The following ELAVL1 variants were observed in gnomAD, a reference collection of about 807,000 sequenced individuals.
The protein encoded by ELAVL1 is ELAV-like protein 1.
In ELAVL1, 1 loss-of-function variant was observed where a neutral mutation model predicts 28.4. The ratio of observed to expected loss-of-function variants is 0.04; its 90% CI spans 0.01 to 0.17. The LOEUF (loss-of-function observed/expected upper bound fraction) is 0.17. ELAVL1 is among the 10% of genes least tolerant of loss of function. The probability of loss-of-function intolerance (pLI) is 1.00; values close to 1 mark genes in which losing one functional copy is unlikely to be tolerated. For synonymous variants in ELAVL1, 174 were observed against 183.5 expected, an observed-to-expected ratio of 0.95 and a Z score of 0.42; for missense variants, 157 against 447.2, an observed-to-expected ratio of 0.35 and a Z score of 5.85.
rs1385680391 is a variant in ELAVL1, at chr19:7,962,392, T to C, written c.*1091A>G. 1 of 152,784 alleles carries C rather than the reference T, an allele frequency of 6.5e-6. No homozygotes were observed. The highest frequency in any genetic ancestry group is 2.4e-5 in the African/African-American group (1 of 41,446). 9.5% of individuals were successfully genotyped at this position (152,784 alleles called of 1,614,324 possible). ...ACAACCCAAAATGTCAAGGCAGTTA[T>C]GAAGAGAACTTTGAGGGTTAATCTT... On this transcript the variant is annotated 3_prime_UTR_variant, in exon 6 of 6. Coordinates refer to ENST00000407627, the MANE Select transcript of ELAVL1 (RefSeq NM_001419.3).
At chr19:7,980,510 C>T (rs1985430310) in intron 3 of ELAVL1, among the ~76,000 whole-genome samples, 1 of 152,128 alleles carries the variant, frequency 6.6e-6, no homozygotes, top group Admixed American at 6.5e-5. Context: ...ACCTGCAACT[C>T]ATCCCAGGAA....
intron 2 of ELAVL1, among the ~76,000 whole-genome samples, chr19:7,987,935 G>C (rs1479772622): frequency 6.6e-6 from 1 of 152,188 alleles, no homozygotes; most frequent in East Asian, 1.9e-4. Context: ...TGAACGGTTT[G>C]AGGAGGGGAG....
chr19:7,997,289 C>T (rs1212151085), intron 1 of ELAVL1, among the ~76,000 whole-genome samples: 4 of 152,190 alleles, frequency 2.6e-5, no homozygotes, highest in Non-Finnish European at 5.9e-5. Context: ...AAAACTACAA[C>T]AACCCAAATA....
chr19:8,003,355 C>CAAAA (rs71165248), intron 1 of ELAVL1, among the ~76,000 whole-genome samples: 9 of 61,090 alleles, frequency 1.5e-4, no homozygotes, highest in Admixed American at 2.7e-4. Context: ...GAAACTGTCT[C>CAAAA]AAAAAAAAAA....
Position 7,963,410 on chromosome 19 carries a change from GT to G in ELAVL1, c.*72del. On this transcript the variant is annotated 3_prime_UTR_variant, in exon 6 of 6. Transcript: ENST00000407627. This position sits in a 1 kb window ranked among gnomAD's most constrained non-coding sequence, Gnocchi z 4.5. The stretch of plus-strand genomic sequence containing the variant: ...TGTGAAAATTGGCGCAAAATGAGTT[GT>G]ACACTAACAAGAAAAGTTTCAACTC... The G allele has an allele frequency of 2.0e-6, 3 of 1,515,514 alleles. No individual in the cohort carries two copies. The East Asian group carries it at 6.8e-5, about 34-fold the overall frequency. The allele number at this position is 1,515,514 out of a possible 1,614,324, so 93.9% of individuals were successfully genotyped here.
At chr19:7,967,508 G>T in intron 5 of ELAVL1, 57 bp downstream of exon 5, 1 of 1,571,218 alleles carries the variant, frequency 6.4e-7, no homozygotes. Context: ...TGGCTGTGCC[G>T]TCGCCTGCCA....
chr19:7,972,840 C>T (rs1985157565), intron 4 of ELAVL1: 2 of 107,342 alleles, frequency 1.9e-5, no homozygotes, highest in Non-Finnish European at 3.5e-5. Flanking sequence ...GAGATGAAAT[C>T]CCGCTCTGCT....
chr19:7,974,073 G>A (rs557586528), intron 3 of ELAVL1, among the ~76,000 whole-genome samples, 195 bp from the exon 4 acceptor site: 1 of 152,384 alleles, frequency 6.6e-6, no homozygotes, highest in African/African-American at 2.4e-5. Flanking sequence ...GAGCCAGGAT[G>A]CCTGGCAGTG....
intron 1 of ELAVL1, among the ~76,000 whole-genome samples, chr19:7,993,374 G>A (rs1985802014): frequency 6.6e-6 from 1 of 152,182 alleles, no homozygotes; most frequent in Admixed American, 6.5e-5. Flanking sequence ...TGGACACCCT[G>A]CTGCTGAGGG....
chr19:7,975,736 C>T (rs946207133), intron 3 of ELAVL1, among the ~76,000 whole-genome samples: 4 of 152,198 alleles, frequency 2.6e-5, no homozygotes, highest in African/African-American at 4.8e-5. Context: ...ACAGTCATTG[C>T]GGATGTAATC....
chr19:7,975,141 T>G (rs537003794), intron 3 of ELAVL1, among the ~76,000 whole-genome samples: 1 of 152,260 alleles, frequency 6.6e-6, no homozygotes, highest in South Asian at 2.1e-4. Flanking sequence ...CCCCATGATG[T>G]GGGTCAGGGG....
intron 1 of ELAVL1, among the ~76,000 whole-genome samples, chr19:7,993,710 C>G (rs943707829): frequency 6.6e-6 from 1 of 152,044 alleles, no homozygotes; most frequent in African/African-American, 2.4e-5. Context: ...GATGGCCACC[C>G]GCCTGGAGGT....
intron 3 of ELAVL1, among the ~76,000 whole-genome samples, chr19:7,975,351 A>G (rs1430084446): frequency 6.6e-6 from 1 of 152,224 alleles, no homozygotes; most frequent in Non-Finnish European, 1.5e-5. Context: ...ATGAAGCCCC[A>G]GAGGAGAAGT....
chr19:7,984,796 G>A (rs1433724704), intron 2 of ELAVL1, among the ~76,000 whole-genome samples: 1 of 152,234 alleles, frequency 6.6e-6, no homozygotes, highest in Non-Finnish European at 1.5e-5. Flanking sequence ...ATCACTGGAA[G>A]GGCTTTGTCC....
chr19:8,003,224 CT>C (rs2081074172), intron 1 of ELAVL1, among the ~76,000 whole-genome samples: 1 of 150,550 alleles, frequency 6.6e-6, no homozygotes, highest in Admixed American at 6.7e-5. Flanking sequence ...CCCACCTCTA[CT>C]AAAAATGCAA....
At chr19:7,966,942 G>A (rs1319647088) in intron 5 of ELAVL1, among the ~76,000 whole-genome samples, 2 of 152,104 alleles carry the variant, frequency 1.3e-5, no homozygotes, top group Non-Finnish European at 2.9e-5. Context: ...TAAAGCTCGC[G>A]GCTCCGTTCT....
At chr19:7,966,892 A>G (rs1383492725) in intron 5 of ELAVL1, among the ~76,000 whole-genome samples, 2 of 152,184 alleles carry the variant, frequency 1.3e-5, no homozygotes, top group Non-Finnish European at 2.9e-5. Flanking sequence ...AGCTGAGATT[A>G]CAGGTGTGTG....
chr19:7,968,967 ACAGCTGAGAGGC>A (rs1053878349), intron 4 of ELAVL1, among the ~76,000 whole-genome samples: 1 of 152,168 alleles, frequency 6.6e-6, no homozygotes, highest in African/African-American at 2.4e-5. Context: ...GGGAGAGGTG[ACAGCTGAGAGGC>A]CAGTCTGAGA....
chr19:7,969,493 G>A (rs1343371172), intron 4 of ELAVL1, among the ~76,000 whole-genome samples: 2 of 152,130 alleles, frequency 1.3e-5, no homozygotes, highest in African/African-American at 2.4e-5. Context: ...CTAGCGCTAC[G>A]CACACGTGCC....
Sources: gnomAD v4.1 joint callset for allele counts (sites outside exome capture counted in the v4.1 genomes callset) on GRCh38, gnomAD v4.1.1 for gene constraint, Gnocchi (gnomAD v3.1) non-coding constraint, MANE v1.5 for transcripts, NCBI Gene and HGNC (gene_info 2026-07-23, HGNC 2026-07-21) for gene names.